The following MOXD1 variants were observed in gnomAD, a reference collection of about 807,000 sequenced individuals.
MOXD1 encodes the protein monooxygenase DBH like 1.
A neutral mutation model predicts 66.6 loss-of-function variants in MOXD1; 62 were observed. The ratio of observed to expected loss-of-function variants is 0.93; its 90% CI spans 0.76 to 1.15. The LOEUF (loss-of-function observed/expected upper bound fraction) is 1.15, where lower values mean the gene tolerates loss of function less well. Ranked by LOEUF, MOXD1 falls within the 50% of genes most tolerant of loss-of-function variation. The pLI is 0.00. For synonymous variants in MOXD1, 303 were observed against 281.9 expected, an observed-to-expected ratio of 1.07 and a Z score of -0.75; for missense variants, 847 against 754.6, an observed-to-expected ratio of 1.12 and a Z score of -1.44.
At chr6:132,341,721 T>G (rs1007320880) in intron 4 of MOXD1, among the ~76,000 whole-genome samples, 3 of 152,244 alleles carry the variant, frequency 2.0e-5, no homozygotes, top group Non-Finnish European at 4.4e-5. Context: ...CGTGCTGTTT[T>G]CCCCATCCAA....
chr6:132,304,277 C>G (rs770554305), intron 10 of MOXD1, among the ~76,000 whole-genome samples: 42 of 152,050 alleles, frequency 2.8e-4, no homozygotes, highest in Non-Finnish European at 5.1e-4. Flanking sequence ...GAGAGCAAGC[C>G]CTCAGAAGAC....
chr6:132,325,940 G>C (rs545465569), intron 6 of MOXD1, among the ~76,000 whole-genome samples: 2 of 152,264 alleles, frequency 1.3e-5, no homozygotes, highest in African/African-American at 4.8e-5. Flanking sequence ...ATACAAATAA[G>C]CATGATAATG....
chr6:132,374,531 G>GA, intron 2 of MOXD1, 100 bp downstream of exon 2: 1 of 1,040,946 alleles, frequency 9.6e-7, no homozygotes, highest in African/African-American at 1.6e-5. Flanking sequence ...AAAAATATTA[G>GA]AAAAAAGACT....
Position 132,374,788 on chromosome 6 carries a change from T to C in MOXD1, c.265-11A>G. On this transcript the variant is annotated splice_polypyrimidine_tract_variant and intron_variant, in intron 1 of 11. Transcript: ENST00000367963. ...ATTTGTAAAATAATCCTGTGGAAAATATGGAAAAGAAAAATCAGGATACCT... is the reference window on the plus strand; with the variant it reads ...ATTTGTAAAATAATCCTGTGGAAAACATGGAAAAGAAAAATCAGGATACCT... 1 of 1,611,188 alleles carries C rather than the reference T, an allele frequency of 6.2e-7. No individual in the cohort carries two copies. The highest frequency in any genetic ancestry group is 8.5e-7 in the Non-Finnish European group (1 of 1,177,656).
At chr6:132,303,297 C>T (rs1162051466) in intron 10 of MOXD1, among the ~76,000 whole-genome samples, 1 of 152,048 alleles carries the variant, frequency 6.6e-6, no homozygotes, top group African/African-American at 2.4e-5. Flanking sequence ...AGAATTCTTA[C>T]AACTCAGTAA....
chr6:132,351,418 A>T (rs1186546962), intron 4 of MOXD1, among the ~76,000 whole-genome samples: 1 of 151,920 alleles, frequency 6.6e-6, no homozygotes, highest in East Asian at 1.9e-4. Context: ...TTTGTTTTTA[A>T]TTCTGTTTAT....
chr6:132,395,467 C>G (rs1434707287), intron 1 of MOXD1, among the ~76,000 whole-genome samples: 6 of 152,044 alleles, frequency 3.9e-5, no homozygotes, highest in African/African-American at 1.4e-4. Context: ...AAGAAAGGAA[C>G]AGAGGATACA....
Position 132,384,284 on chromosome 6 carries a change from TCCTTCCTCCTTCCTTCCTC to T in MOXD1, c.265-9526_265-9508del, listed in dbSNP as rs1562299227. 7.2e-4 allele frequency among the ~76,000 whole-genome samples: 51 copies of T among 70,388 alleles called. 1 individual carries two copies. In the South Asian group the frequency reaches 8.8e-3, roughly 12 times the overall value. The allele number at this position is 70,388 out of a possible 152,430, so 46.2% of individuals were successfully genotyped here. On this transcript the variant is annotated intron_variant, in intron 1 of 11. Transcript: ENST00000367963. ...TTCCTTCCTTCCTTCCTTCCTTCCT[TCCTTCCTCCTTCCTTCCTC>T]CCTCCCTCCCTTTCATTCTTCCTTT... is the stretch of plus-strand genomic sequence containing the variant.
At chr6:132,316,396 C>A in intron 9 of MOXD1, among the ~76,000 whole-genome samples, 1 of 152,052 alleles carries the variant, frequency 6.6e-6, no homozygotes, top group African/African-American at 2.4e-5. Context: ...GATTGATGTG[C>A]TGGATTTATC....
chr6:132,376,393 A>G (rs1776379520), intron 1 of MOXD1, among the ~76,000 whole-genome samples: 1 of 151,912 alleles, frequency 6.6e-6, no homozygotes, highest in South Asian at 2.1e-4. Flanking sequence ...TATGTTTCCC[A>G]TCCAGGGTAC....
At chr6:132,394,251 C>T (rs1406433818) in intron 1 of MOXD1, among the ~76,000 whole-genome samples, 1 of 152,320 alleles carries the variant, frequency 6.6e-6, no homozygotes, top group South Asian at 2.1e-4. Flanking sequence ...CAACCACCCA[C>T]ACCTAGAGTC....
intron 1 of MOXD1, among the ~76,000 whole-genome samples, chr6:132,398,047 C>T (rs183408153): frequency 2.6e-5 from 4 of 152,296 alleles, no homozygotes; most frequent in African/African-American, 9.6e-5. Flanking sequence ...CCACACCTTC[C>T]CACTCCTTCA....
intron 1 of MOXD1, among the ~76,000 whole-genome samples, chr6:132,386,601 A>G: frequency 6.6e-6 from 1 of 151,376 alleles, no homozygotes; most frequent in East Asian, 1.9e-4. Context: ...CCTTCCATTC[A>G]TTTCTTGAAT....
intron 10 of MOXD1, 105 bp downstream of exon 10, chr6:132,315,530 C>G: frequency 1.6e-6 from 2 of 1,269,584 alleles, no homozygotes; most frequent in East Asian, 4.7e-5. Flanking sequence ...ATAGAACAAA[C>G]AGTGCATAAA....
At chr6:132,361,019 C>T (rs577390371) in intron 4 of MOXD1, among the ~76,000 whole-genome samples, 2 of 152,170 alleles carry the variant, frequency 1.3e-5, no homozygotes, top group African/African-American at 4.8e-5. Context: ...CTTGCCTTCA[C>T]TAATTTTTAT....
rs188174420 is a variant in MOXD1, at chr6:132,353,676, T to C, written c.663+18932A>G. The stretch of plus-strand genomic sequence containing the variant: ...CTTTCTGTGATGAATTTCCCAGATC[T>C]TCTTTGTGCTTCTTGTATTTGGATG... On this transcript the variant is annotated intron_variant, in intron 4 of 11. Coordinates refer to ENST00000367963, the MANE Select transcript of MOXD1 (RefSeq NM_015529.4). Among the ~76,000 whole-genome samples, 17 of 152,306 alleles carry C rather than the reference T, an allele frequency of 1.1e-4. No individual in the cohort carries two copies. The East Asian group carries it at 3.1e-3, about 28-fold the overall frequency.
intron 4 of MOXD1, among the ~76,000 whole-genome samples, chr6:132,329,545 C>T (rs1775272422): frequency 6.6e-6 from 1 of 152,046 alleles, no homozygotes; most frequent in Non-Finnish European, 1.5e-5. Context: ...GTTATCTTTA[C>T]CCATCCCTAC....
At chr6:132,302,371 C>T (rs1180866885) in intron 10 of MOXD1, among the ~76,000 whole-genome samples, 6 of 151,994 alleles carry the variant, frequency 3.9e-5, no homozygotes, top group Non-Finnish European at 8.8e-5. Context: ...TTAAACACAT[C>T]AACAAGTATG....
intron 1 of MOXD1, 153 bp from the exon 2 acceptor site, chr6:132,374,930 GT>G: frequency 1.4e-6 from 1 of 728,026 alleles, no homozygotes; most frequent in South Asian, 1.9e-5. Flanking sequence ...GGGGAATCAG[GT>G]CCCTGGGAAA....
Sources: gnomAD v4.1 joint callset for allele counts (sites outside exome capture counted in the v4.1 genomes callset) on GRCh38, gnomAD v4.1.1 for gene constraint, MANE v1.5 for transcripts, NCBI Gene and HGNC (gene_info 2026-07-23, HGNC 2026-07-21) for gene names.